The following ARHGAP15 variants were observed in gnomAD, a reference collection of about 807,000 sequenced individuals.
ARHGAP15 encodes the protein rho GTPase-activating protein 15.
ARHGAP15 carries 51 observed loss-of-function variants against 63.7 expected under a neutral mutation model. The observed-to-expected ratio is 0.80, with a 90% confidence interval of 0.64 to 1.01. ARHGAP15 has a LOEUF of 1.01. Among genes scored for constraint, ARHGAP15 ranks in the 50% least tolerant of loss-of-function variants. The probability of loss-of-function intolerance (pLI) is 0.00; values close to 1 mark genes in which losing one functional copy is unlikely to be tolerated. For missense variants in ARHGAP15, 560 were observed against 564.6 expected (o/e 0.99, Z 0.08); for synonymous variants, 191 against 193.8 (o/e 0.99, Z 0.12).
chr2:143,452,686 GT>G (rs1205823902), intron 8 of ARHGAP15, among the ~76,000 whole-genome samples: 1 of 139,428 alleles, frequency 7.2e-6, no homozygotes, highest in Non-Finnish European at 1.5e-5. Flanking sequence ...TCTCAATGCT[GT>G]AGCAGTCTAA....
At chr2:143,482,088 C>T (rs926264279) in intron 8 of ARHGAP15, among the ~76,000 whole-genome samples, 1 of 152,054 alleles carries the variant, frequency 6.6e-6, no homozygotes, top group African/African-American at 2.4e-5. Flanking sequence ...TTCTAGAATA[C>T]CTGGAAAGCT....
chr2:143,470,888 A>G (rs1254167713), intron 8 of ARHGAP15, among the ~76,000 whole-genome samples: 1 of 149,364 alleles, frequency 6.7e-6, no homozygotes, highest in Non-Finnish European at 1.5e-5. Flanking sequence ...ATATACACGT[A>G]TATTTATGTG....
At chr2:143,456,988 T>G (rs1690690050) in intron 8 of ARHGAP15, among the ~76,000 whole-genome samples, 1 of 152,026 alleles carries the variant, frequency 6.6e-6, no homozygotes, top group Admixed American at 6.6e-5. Context: ...CATTTATTAA[T>G]TTAACAGATG....
intron 13 of ARHGAP15, among the ~76,000 whole-genome samples, chr2:143,742,857 C>A (rs1686013199): frequency 6.6e-6 from 1 of 152,230 alleles, no homozygotes; most frequent in Admixed American, 6.5e-5. Context: ...TCTCACACAG[C>A]AAAGCCATAA....
chr2:143,462,809 GGACAGACA>G (rs150572849), intron 8 of ARHGAP15, among the ~76,000 whole-genome samples: 2 of 151,940 alleles, frequency 1.3e-5, no homozygotes, highest in African/African-American at 4.8e-5. Context: ...ATGGACAGAC[GGACAGACA>G]GACAGACAAA....
intron 12 of ARHGAP15, among the ~76,000 whole-genome samples, chr2:143,697,569 G>A (rs1683906978): frequency 6.6e-6 from 1 of 152,142 alleles, no homozygotes; most frequent in Non-Finnish European, 1.5e-5. Context: ...TATGTCACTG[G>A]ATATACCGAT....
intron 6 of ARHGAP15, among the ~76,000 whole-genome samples, chr2:143,313,671 A>T (rs1009884460): frequency 1.3e-5 from 2 of 152,284 alleles, no homozygotes; most frequent in South Asian, 4.1e-4. Flanking sequence ...GGTAGAGTCT[A>T]TCTTTAGGTT....
chr2:143,522,555 G>A (rs1442132742), intron 10 of ARHGAP15, among the ~76,000 whole-genome samples: 3 of 152,142 alleles, frequency 2.0e-5, no homozygotes, highest in African/African-American at 7.2e-5. Flanking sequence ...GAGATCATCT[G>A]ACACTATTTT....
intron 3 of ARHGAP15, among the ~76,000 whole-genome samples, chr2:143,204,462 C>G (rs1692247343): frequency 6.6e-6 from 1 of 152,030 alleles, no homozygotes; most frequent in Non-Finnish European, 1.5e-5. Flanking sequence ...CCTCACACGG[C>G]AAAAAGAGGG....
At chr2:143,712,816 A>C (rs528234949) in intron 13 of ARHGAP15, among the ~76,000 whole-genome samples, 1 of 150,626 alleles carries the variant, frequency 6.6e-6, no homozygotes, top group East Asian at 1.9e-4. Flanking sequence ...AAAAAAAAAA[A>C]CCCACAGGAA....
chr2:143,287,543 C>T (rs188137861), intron 6 of ARHGAP15, among the ~76,000 whole-genome samples: 42 of 152,106 alleles, frequency 2.8e-4, no homozygotes, highest in African/African-American at 8.4e-4. Context: ...CGGTACCTCA[C>T]GCCTGTAATC....
chr2:143,157,685 C>T (rs1690136071), intron 2 of ARHGAP15, among the ~76,000 whole-genome samples: 1 of 151,114 alleles, frequency 6.6e-6, no homozygotes, highest in African/African-American at 2.4e-5. Flanking sequence ...CTTGCCATGG[C>T]ACTAATTTTC....
intron 13 of ARHGAP15, among the ~76,000 whole-genome samples, chr2:143,736,885 C>T (rs1685766206): frequency 6.6e-6 from 1 of 152,202 alleles, no homozygotes; most frequent in Non-Finnish European, 1.5e-5. Flanking sequence ...CTTGAGAGTT[C>T]ACCCAGATCT....
chr2:143,732,771 T>G (rs1685589938), intron 13 of ARHGAP15, among the ~76,000 whole-genome samples: 1 of 152,028 alleles, frequency 6.6e-6, no homozygotes, highest in Admixed American at 6.6e-5. Context: ...AATGATTTTA[T>G]CTTTAAATAC....
chr2:143,149,461 A>G (rs899582217), intron 1 of ARHGAP15, among the ~76,000 whole-genome samples: 1 of 151,992 alleles, frequency 6.6e-6, no homozygotes, highest in Non-Finnish European at 1.5e-5. Context: ...GTACCTATCC[A>G]AATCTGAAAC....
chr2:143,133,551 C>T (rs1285198439), intron 1 of ARHGAP15, among the ~76,000 whole-genome samples: 1 of 152,168 alleles, frequency 6.6e-6, no homozygotes, highest in East Asian at 1.9e-4. Flanking sequence ...TCTGTAAGGA[C>T]AGGCACTGAC....
chr2:143,256,070 T>C (rs1680409919), intron 6 of ARHGAP15, among the ~76,000 whole-genome samples: 1 of 152,152 alleles, frequency 6.6e-6, no homozygotes, highest in South Asian at 2.1e-4. Context: ...CCTCCAACTT[T>C]GTCACACCAA....
chr2:143,213,280 G>A lies in ARHGAP15; in HGVS notation c.235-3104G>A, dbSNP rs887148381. Among the ~76,000 whole-genome samples, 3 of 152,248 alleles carry A rather than the reference G, an allele frequency of 2.0e-5. No homozygotes were observed. In the South Asian group the frequency reaches 6.2e-4, roughly 32 times the overall value. ...TGTAATCCCAGCACTTTGGGAGGCCGAGGTGGGTGGATCACCTGAGGTCGA... is the reference window on the plus strand; with the variant it reads ...TGTAATCCCAGCACTTTGGGAGGCCAAGGTGGGTGGATCACCTGAGGTCGA... On this transcript the variant is annotated intron_variant, in intron 3 of 13. Coordinates refer to ENST00000295095, the MANE Select transcript of ARHGAP15 (RefSeq NM_018460.4).
chr2:143,556,370 T>C (rs1420486951), intron 10 of ARHGAP15, 38 bp from the exon 11 acceptor site: 2 of 1,478,552 alleles, frequency 1.4e-6, no homozygotes, highest in African/African-American at 2.8e-5. Context: ...TCTCAATTCC[T>C]ATATGTGCTA....
Sources: allele counts gnomAD v4.1 joint callset (sites outside exome capture counted in the v4.1 genomes callset), GRCh38; gene constraint gnomAD v4.1.1; transcripts MANE v1.5; gene names NCBI Gene and HGNC (gene_info 2026-07-23, HGNC 2026-07-21).